Variants in SLC9C2 observed in about 807,000 individuals in gnomAD.
SLC9C2 encodes the protein solute carrier family 9 member C2 (putative).
In SLC9C2, 75 loss-of-function variants were observed where a neutral mutation model predicts 140.2. That is an observed-to-expected ratio of 0.53 (90% confidence interval 0.44 to 0.65). The LOEUF is 0.65. SLC9C2 is among the 30% of genes least tolerant of loss of function. The probability of loss-of-function intolerance (pLI) is 0.00; values close to 1 mark genes in which losing one functional copy is unlikely to be tolerated. For missense variants in SLC9C2, 1,074 were observed against 1,331.8 expected (o/e 0.81, Z 3.01); for synonymous variants, 375 against 420.9 (o/e 0.89, Z 1.34).
intron 13 of SLC9C2, among the ~76,000 whole-genome samples, chr1:173,540,444 G>C (rs1156228931): frequency 1.3e-5 from 2 of 152,222 alleles, no homozygotes; most frequent in African/African-American, 4.8e-5. Context: ...CAATTGTGGA[G>C]AGCCTCCAGA....
At chr1:173,536,355 G>T (rs564696459) in intron 14 of SLC9C2, among the ~76,000 whole-genome samples, 1 of 152,252 alleles carries the variant, frequency 6.6e-6, no homozygotes, top group East Asian at 1.9e-4. Context: ...CACCCAGCCA[G>T]GATCTCCTAT....
rs552099025 is a variant in SLC9C2, at chr1:173,502,028, C to G, written c.3372-931G>C. ...GTGGCTCACGCCTGTAATCCCAGCACTTTGGGAGGCCAAGGCAGGCAGATC... is the reference window on the plus strand; with the variant it reads ...GTGGCTCACGCCTGTAATCCCAGCAGTTTGGGAGGCCAAGGCAGGCAGATC... On this transcript the variant is annotated intron_variant, in intron 27 of 27. Transcript: ENST00000367714. 2.6e-5 allele frequency among the ~76,000 whole-genome samples: 4 copies of G among 152,186 alleles called. No homozygotes were observed. The South Asian group carries it at 8.3e-4, about 32-fold the overall frequency.
At chr1:173,551,052 G>A (rs767035084) in intron 11 of SLC9C2, among the ~76,000 whole-genome samples, 2 of 149,668 alleles carry the variant, frequency 1.3e-5, no homozygotes, top group Non-Finnish European at 3.0e-5. Flanking sequence ...GGCTGTCACA[G>A]GAAGTTCTGC....
At chr1:173,568,331 T>G (rs1664624295) in intron 9 of SLC9C2, among the ~76,000 whole-genome samples, 1 of 152,162 alleles carries the variant, frequency 6.6e-6, no homozygotes, top group African/African-American at 2.4e-5. Context: ...CTTCTTTGTA[T>G]TCGTAAGTTC....
chr1:173,547,159 C>T (rs35714317), intron 13 of SLC9C2, among the ~76,000 whole-genome samples: 24 of 151,870 alleles, frequency 1.6e-4, no homozygotes, highest in Non-Finnish European at 3.2e-4. Flanking sequence ...GATTATAACT[C>T]CAGTTTAAAA....
In SLC9C2 at chr1:173,579,947, T is replaced by C. The variant is rs1316160695; in HGVS notation, c.802+1900A>G. Among the ~76,000 whole-genome samples, 4 of 152,232 alleles carry C rather than the reference T, an allele frequency of 2.6e-5. No homozygotes were observed. In the East Asian group the frequency reaches 7.7e-4, roughly 29 times the overall value. The stretch of plus-strand genomic sequence containing the variant: ...GGTTAAGATGATGCCACACATTGAC[T>C]GGAAGCATCTCCATTTTTTAGAAGG... On this transcript the variant is annotated intron_variant, in intron 7 of 27. Coordinates refer to ENST00000367714, the MANE Select transcript of SLC9C2 (RefSeq NM_178527.4).
At chr1:173,534,361 G>C in intron 16 of SLC9C2, 123 bp downstream of exon 16, 1 of 1,021,718 alleles carries the variant, frequency 9.8e-7, no homozygotes, top group Non-Finnish European at 1.4e-6. Flanking sequence ...TAAAATTCTA[G>C]GATCTCATCA....
At chr1:173,589,956 A>T (rs545626102) in intron 4 of SLC9C2, among the ~76,000 whole-genome samples, 115 of 152,296 alleles carry the variant, frequency 7.6e-4, no homozygotes, top group Non-Finnish European at 1.3e-3. Context: ...AGAATGAAAT[A>T]ACAAGGCCTG....
chr1:173,575,824 T>C (rs1382963726), intron 8 of SLC9C2, among the ~76,000 whole-genome samples: 185 of 152,036 alleles, frequency 1.2e-3, no homozygotes, highest in African/African-American at 3.9e-3. Flanking sequence ...GTGATCCGCC[T>C]GCCTCGGCCT....
intron 26 of SLC9C2, among the ~76,000 whole-genome samples, chr1:173,503,611 G>C (rs997400960): frequency 6.6e-6 from 1 of 152,156 alleles, no homozygotes; most frequent in Non-Finnish European, 1.5e-5. Flanking sequence ...GCAAGCTGCA[G>C]AGCATCTGCT....
At chr1:173,521,723 T>C (rs4916366) in intron 21 of SLC9C2, among the ~76,000 whole-genome samples, 77,028 of 150,926 alleles carry the variant, frequency 0.51, 21,413 homozygotes, top group East Asian at 0.95. Flanking sequence ...TAAATATGCA[T>C]ATTTATGAAT....
chr1:173,550,872 AAGAGAGAGAGAGAGAG>A (rs143296396), intron 11 of SLC9C2, among the ~76,000 whole-genome samples: 6 of 86,508 alleles, frequency 6.9e-5, no homozygotes, highest in Admixed American at 1.1e-4. Context: ...GAGCCGTTGA[AAGAGAGAGAGAGAGAG>A]AGAGAGAGAG....
intron 22 of SLC9C2, among the ~76,000 whole-genome samples, 155 bp downstream of exon 22, chr1:173,521,146 T>C (rs1167675841): frequency 6.6e-6 from 1 of 152,142 alleles, no homozygotes; most frequent in East Asian, 1.9e-4. Flanking sequence ...AGGTGTTGAA[T>C]ATTCACCTCT....
chr1:173,581,709 G>T (rs1378142991), intron 7 of SLC9C2, 138 bp downstream of exon 7: 1 of 576,392 alleles, frequency 1.7e-6, no homozygotes, highest in Non-Finnish European at 2.8e-6. Context: ...AGAGCTAGAG[G>T]TAAGTAAAAT....
intron 25 of SLC9C2, 89 bp downstream of exon 25, chr1:173,506,767 A>G: frequency 1.8e-6 from 2 of 1,101,712 alleles, no homozygotes; most frequent in South Asian, 3.1e-5. Flanking sequence ...TCCAGGTTAA[A>G]TTTCTTTTTA....
At chr1:173,536,050 G>A in intron 14 of SLC9C2, 101 bp from the exon 15 acceptor site, 1 of 1,050,176 alleles carries the variant, frequency 9.5e-7, no homozygotes, top group South Asian at 1.6e-5. Flanking sequence ...ATTTAATATG[G>A]ACCCACCAAA....
At chr1:173,501,505 CTTTTTTTT>C (rs35363966) in intron 27 of SLC9C2, among the ~76,000 whole-genome samples, 1,271 of 96,322 alleles carry the variant, frequency 0.013, 29 homozygotes, top group African/African-American at 0.049. Context: ...TTATTTGACT[CTTTTTTTT>C]TTTTTTTTTT....
chr1:173,601,123 T>C (rs950818312), intron 2 of SLC9C2, among the ~76,000 whole-genome samples: 2 of 152,174 alleles, frequency 1.3e-5, no homozygotes, highest in African/African-American at 4.8e-5. Context: ...GGGTTATTTA[T>C]CTTCCCTGAA....
Position 173,526,707 on chromosome 1 carries a change from CAT to C in SLC9C2, c.2319_2320del (p.Cys774Ter), listed in dbSNP as rs1558032133. On this transcript the variant is annotated frameshift_variant, in exon 19 of 28. Transcript: ENST00000367714. LOFTEE classifies it high-confidence loss of function. ...CTGTTTGTTGGTTTCCAAAATTTCA[CAT>C]AGTTTCTGTAAAAAATTAAGAAAAA... 11 of 1,588,516 alleles carry C rather than the reference CAT, an allele frequency of 6.9e-6. No homozygotes were observed. Among genetic ancestry groups the C allele is most frequent in the Middle Eastern group, 1.7e-4 (1 of 6,008 alleles).
Sources: gnomAD v4.1 joint callset for allele counts (sites outside exome capture counted in the v4.1 genomes callset) on GRCh38, gnomAD v4.1.1 for gene constraint, MANE v1.5 for transcripts, NCBI Gene and HGNC (gene_info 2026-07-23, HGNC 2026-07-21) for gene names.